Variants in NIBAN3 observed in about 807,000 individuals in gnomAD.
The protein encoded by NIBAN3 is niban apoptosis regulator 3, also known as protein Niban 3.
Under a neutral mutation model 76.4 loss-of-function variants are expected in NIBAN3, and 66 were observed. That is an observed-to-expected ratio of 0.86 (90% confidence interval 0.71 to 1.06). NIBAN3 has a LOEUF of 1.06. Ranked by LOEUF, NIBAN3 falls within the 50% of genes least tolerant of loss-of-function variation. NIBAN3 has a pLI of 0.00. For missense variants in NIBAN3, 808 were observed against 810.7 expected, an observed-to-expected ratio of 1.00 and a Z score of 0.04; for synonymous variants, 360 against 355.2, an observed-to-expected ratio of 1.01 and a Z score of -0.15.
chr19:17,553,661 C>T (rs904685564), downstream of NIBAN3: 32 of 1,016,532 alleles, frequency 3.1e-5, no homozygotes, highest in African/African-American at 4.8e-4. Context: ...TAGCTGTCTT[C>T]CTTTTACCCC....
chr19:17,543,655 G>A lies in NIBAN3; in HGVS notation c.1554+24G>A, dbSNP rs757080361. On this transcript the variant is annotated intron_variant, in intron 12 of 14. Coordinates refer to ENST00000599164, the MANE Select transcript of NIBAN3 (RefSeq NM_001321827.2). ...AGGTGAGTTAATGGGAAGTGTGCAA[G>A]AGGGTCTGACAGCATCACCATGCAT... The A allele has an allele frequency of 1.0e-5, 16 of 1,589,688 alleles. No homozygotes were observed. In the Admixed American group the frequency reaches 2.6e-4, roughly 26 times the overall value.
chr19:17,533,990 G>T (rs1321303713), intron 4 of NIBAN3, among the ~76,000 whole-genome samples: 5 of 152,198 alleles, frequency 3.3e-5, no homozygotes, highest in Non-Finnish European at 5.9e-5. Flanking sequence ...TCTTGCAAGG[G>T]TGAGGGGGAG....
chr19:17,531,461 C>A lies in NIBAN3; in HGVS notation c.186+576C>A, dbSNP rs62126818. 2.4e-3 allele frequency among the ~76,000 whole-genome samples: 359 copies of A among 152,010 alleles called. 1 individual carries two copies. Among genetic ancestry groups the A allele is most frequent in the African/African-American group, 8.0e-3 (330 of 41,448 alleles). On this transcript the variant is annotated intron_variant, in intron 2 of 14. Transcript: ENST00000599164. ...TGTCCAGTGACAAGGACAGATCCTGCGGTAACCTCTGGGGTTCACAACCTG... is the reference window on the plus strand; with the variant it reads ...TGTCCAGTGACAAGGACAGATCCTGAGGTAACCTCTGGGGTTCACAACCTG...
chr19:17,551,577 T>C (rs1246374343), intron 14 of NIBAN3, among the ~76,000 whole-genome samples: 1 of 151,936 alleles, frequency 6.6e-6, no homozygotes, highest in Non-Finnish European at 1.5e-5. Context: ...CCAGCTAATT[T>C]TTGTATTTTT....
At position 17,539,668 on chromosome 19, in the gene NIBAN3, C is replaced by T. The variant is rs771846760; in HGVS notation, c.882C>T (p.Pro294=). The T allele has an allele frequency of 2.6e-6, 4 of 1,560,986 alleles. No individual in the cohort carries two copies. Among genetic ancestry groups the T allele is most frequent in the African/African-American group, 1.4e-5 (1 of 73,448 alleles). ...GASAGLCAFQ[P]EKDELLASLE... ...CCGCCGGGCTCTGCGCCTTCCAGCC[C>T]GAAAAGGACGAGCTGCTTGCGTCGC... Residue 294 remains proline (P), a synonymous_variant, in exon 8 of 15, where the codon CCC becomes CCT. Coordinates refer to ENST00000599164, the MANE Select transcript of NIBAN3 (RefSeq NM_001321827.2).
At chr19:17,527,183 G>T, upstream of NIBAN3, 1 of 1,528,558 alleles carries the variant, frequency 6.5e-7, no homozygotes. Context: ...CCCCAGGGGA[G>T]TGGGGAGGAC....
chr19:17,541,206 G>A (rs938551444), intron 9 of NIBAN3, among the ~76,000 whole-genome samples: 7 of 150,020 alleles, frequency 4.7e-5, no homozygotes, highest in African/African-American at 1.7e-4. Flanking sequence ...TATACAAGTA[G>A]CACCTAAAAT....
rs370503439 is a variant in NIBAN3, at chr19:17,533,099, T to G, written c.313-488T>G. Among the ~76,000 whole-genome samples the G allele has an allele frequency of 2.6e-5, 4 of 151,770 alleles. No homozygotes were observed. The South Asian group carries it at 6.2e-4, about 24-fold the overall frequency. On this transcript the variant is annotated intron_variant, in intron 3 of 14. Coordinates refer to ENST00000599164, the MANE Select transcript of NIBAN3 (RefSeq NM_001321827.2). ...AACAGCCTGGCCAACATGGTGAAAC[T>G]CCGTCTCTACTAAAAATACAAAACC...
At chr19:17,555,537 A>G (rs1024416318), downstream of NIBAN3, 18 of 512,972 alleles carry the variant, frequency 3.5e-5, no homozygotes, top group Non-Finnish European at 4.6e-5. Flanking sequence ...GTAGGGCTGC[A>G]GGTGACGTCA....
chr19:17,539,424 C>T lies in NIBAN3; in HGVS notation c.789C>T (p.Gly263=). 1 of 1,505,710 alleles carries T rather than the reference C, an allele frequency of 6.6e-7. No homozygotes were observed. Among genetic ancestry groups the T allele is most frequent in the South Asian group, 1.3e-5 (1 of 78,922 alleles). The allele number at this position is 1,505,710 out of a possible 1,614,324, so 93.3% of individuals were successfully genotyped here. Residue 263 remains glycine (G), a synonymous_variant, in exon 7 of 15, where the codon GGC becomes GGT. Coordinates refer to ENST00000599164, the MANE Select transcript of NIBAN3 (RefSeq NM_001321827.2). ...CCCTTCCTGGCCTGCGGGGGGCAGG[C>T]CGCGCCCGCGCCTGGGCCTGGACCG... ...AQTLPGLRGA[G]RARAWAWTEL...
At chr19:17,532,441 C>G (rs1170535346) in intron 3 of NIBAN3, 53 bp downstream of exon 3, 2 of 1,613,440 alleles carry the variant, frequency 1.2e-6, no homozygotes, top group Admixed American at 1.7e-5. Context: ...TTCCCACCCC[C>G]GTCAGCCTCA....
intron 12 of NIBAN3, chr19:17,545,161 A>ATTTATTTTAT (rs71162150): frequency 0.024 from 3,169 of 133,320 alleles, 51 homozygotes; most frequent in Middle Eastern, 0.029. Flanking sequence ...AGACTATTTT[A>ATTTATTTTAT]TTTATTTTAT....
chr19:17,536,831 T>C (rs759295720), intron 4 of NIBAN3, among the ~76,000 whole-genome samples: 7 of 152,088 alleles, frequency 4.6e-5, no homozygotes, highest in African/African-American at 7.2e-5. Context: ...GCCCTAGTCA[T>C]AGAGCTAGAA....
intron 8 of NIBAN3, chr19:17,540,129 G>C: frequency 2.4e-6 from 1 of 424,150 alleles, no homozygotes; most frequent in African/African-American, 2.1e-5. Flanking sequence ...CGGGTGGGCG[G>C]GCCTGGGAAG....
intron 6 of NIBAN3, 25 bp downstream of exon 6, chr19:17,539,290 C>A (rs970435979): frequency 9.5e-6 from 15 of 1,574,260 alleles, no homozygotes; most frequent in Middle Eastern, 1.7e-4. Context: ...AGGCCGCACC[C>A]GGGACCCCCA....
At chr19:17,527,837 G>T (rs1348802195) in intron 1 of NIBAN3, among the ~76,000 whole-genome samples, 1 of 151,862 alleles carries the variant, frequency 6.6e-6, no homozygotes, top group East Asian at 1.9e-4. Context: ...GACCACAGGC[G>T]TGCACCACCA....
In NIBAN3 at chr19:17,539,703, C is replaced by T. The variant is rs759021096; in HGVS notation, c.917C>T (p.Thr306Met). The T allele has an allele frequency of 6.4e-7, 1 of 1,550,772 alleles. No homozygotes were observed. Among genetic ancestry groups the T allele is most frequent in the Non-Finnish European group, 8.7e-7 (1 of 1,148,772 alleles). ...GAGCTGCTTGCGTCGCTGGAGAAGA[C>T]GATCCGCCCGGACGTGGACCAGCTG... The part of the protein sequence containing the change: ...KDELLASLEK[T>M]IRPDVDQLLR... Residue 306 changes from threonine to methionine, a missense_variant, in exon 8 of 15, where the codon ACG becomes ATG. Transcript: ENST00000599164.
rs1034143130 is a variant in NIBAN3, at chr19:17,542,416, A to G, written c.1329+122A>G. ...ACAACTCCGCGGGGCTGCCAGTCTC[A>G]TGGGGACATGAGCCCGTGACCAGGC... On this transcript the variant is annotated intron_variant, in intron 10 of 14. Coordinates refer to ENST00000599164, the MANE Select transcript of NIBAN3 (RefSeq NM_001321827.2). The surrounding 1 kb of genome is among the most constrained non-coding windows in gnomAD (Gnocchi z 4.8). The G allele has an allele frequency of 1.8e-6, 2 of 1,083,972 alleles. No individual in the cohort carries two copies. The highest frequency in any genetic ancestry group is 3.2e-5 in the African/African-American group (2 of 63,306). The allele number at this position is 1,083,972 out of a possible 1,614,324, so 67.1% of individuals were successfully genotyped here. A position where few individuals can be genotyped will look rare whatever the true frequency, so the allele number is the denominator to read the frequency against.
Position 17,539,627 on chromosome 19 carries a change from G to A in NIBAN3, c.841G>A (p.Val281Ile), listed in dbSNP as rs1174343587. 3.8e-6 allele frequency: 6 copies of A among 1,574,826 alleles called. No individual in the cohort carries two copies. Among genetic ancestry groups the A allele is most frequent in the African/African-American group, 1.4e-5 (1 of 73,590 alleles). Residue 281 changes from valine to isoleucine, a missense_variant, in exon 8 of 15, where the codon GTC becomes ATC. Val to Ile is a conservative substitution (Grantham distance 29, BLOSUM62 3). Transcript: ENST00000599164. ...GCTTCTAGACGCCGTTCACGCAGCT[G>A]TCCTGGCCGGGGCCTCCGCCGGGCT... ...TELLDAVHAAVLAGASAGLCA... is the reference protein window; with the variant it reads ...TELLDAVHAAILAGASAGLCA...
Sources: allele counts gnomAD v4.1 joint callset (sites outside exome capture counted in the v4.1 genomes callset), GRCh38; gene constraint gnomAD v4.1.1; non-coding constraint Gnocchi (gnomAD v3.1); transcripts MANE v1.5; gene names NCBI Gene and HGNC (gene_info 2026-07-23, HGNC 2026-07-21).